ABCC8: variants seen among roughly 807,000 people sequenced by gnomAD.
ABCC8 encodes the protein ATP-binding cassette sub-family C member 8.
Under a neutral mutation model 188.0 loss-of-function variants are expected in ABCC8, and 137 were observed. The observed-to-expected ratio is 0.73, with a 90% CI of 0.63 to 0.84. ABCC8 has a LOEUF of 0.84. ABCC8 is among the 40% of genes least tolerant of loss of function. The pLI is 0.00. For missense variants in ABCC8, 1,750 were observed against 2,072.7 expected, an observed-to-expected ratio of 0.84 and a Z score of 3.02; for synonymous variants, 797 against 846.5, an observed-to-expected ratio of 0.94 and a Z score of 1.01.
At chr11:17,448,375 C>G (rs1956622554) in intron 8 of ABCC8, 141 bp downstream of exon 8, 1 of 761,264 alleles carries the variant, frequency 1.3e-6, no homozygotes, top group African/African-American at 1.7e-5. Context: ...AGAGGTACAG[C>G]CTGTGGTATA....
chr11:17,470,803 C>T (rs927801354), intron 2 of ABCC8, among the ~76,000 whole-genome samples: 7 of 152,208 alleles, frequency 4.6e-5, no homozygotes, highest in Admixed American at 2.0e-4. Context: ...TCAATACCAG[C>T]TCATAGTCTC....
intron 7 of ABCC8, among the ~76,000 whole-genome samples, chr11:17,450,270 C>CT (rs1405231007): frequency 8.6e-6 from 1 of 116,746 alleles, no homozygotes; most frequent in Non-Finnish European, 1.7e-5. Flanking sequence ...CTCTTTCTTT[C>CT]TTTCTTTCTT....
At chr11:17,408,028 C>A (rs551903524) in intron 23 of ABCC8, among the ~76,000 whole-genome samples, 2 of 152,310 alleles carry the variant, frequency 1.3e-5, no homozygotes, top group East Asian at 3.9e-4. Flanking sequence ...CTACCTGGAT[C>A]CAGCACACTT....
At chr11:17,401,527 G>A (rs1306648600) in intron 29 of ABCC8, among the ~76,000 whole-genome samples, 1 of 152,204 alleles carries the variant, frequency 6.6e-6, no homozygotes, top group Admixed American at 6.5e-5. Context: ...GGGAGGAGAT[G>A]TAAGCCTCTC....
At chr11:17,413,689 A>C in intron 19 of ABCC8, 1 of 939,104 alleles carries the variant, frequency 1.1e-6, no homozygotes, top group Non-Finnish European at 1.6e-6. Context: ...TAAATACTAG[A>C]AGGATGGAAT....
intron 16 of ABCC8, among the ~76,000 whole-genome samples, chr11:17,421,952 G>C (rs1398934530): frequency 6.6e-6 from 1 of 152,214 alleles, no homozygotes; most frequent in African/African-American, 2.4e-5. Flanking sequence ...CTTGGCCTGG[G>C]TATGGCTGAA....
chr11:17,401,004 G>C (rs1954212813), intron 29 of ABCC8, among the ~76,000 whole-genome samples: 1 of 152,214 alleles, frequency 6.6e-6, no homozygotes, highest in Non-Finnish European at 1.5e-5. Flanking sequence ...CGTGTCAGTA[G>C]GGTGTGGAAG....
At chr11:17,475,676 T>G (rs1286365231) in intron 1 of ABCC8, among the ~76,000 whole-genome samples, 5 of 152,262 alleles carry the variant, frequency 3.3e-5, no homozygotes, top group Admixed American at 3.3e-4. Context: ...TATTTCTATC[T>G]AACTGTCTTT....
chr11:17,423,077 G>A (rs1476875803), intron 16 of ABCC8, among the ~76,000 whole-genome samples: 1 of 151,956 alleles, frequency 6.6e-6, no homozygotes, highest in Non-Finnish European at 1.5e-5. Flanking sequence ...AAGCGGGGCC[G>A]GCCAGGGGTG....
At chr11:17,436,069 A>ATC in intron 10 of ABCC8, 2 of 943,934 alleles carry the variant, frequency 2.1e-6, no homozygotes, top group East Asian at 4.8e-5. Context: ...GAACTGCTCC[A>ATC]TCTCTTCTTT....
At chr11:17,400,785 A>C (rs994580072) in intron 29 of ABCC8, among the ~76,000 whole-genome samples, 1 of 152,198 alleles carries the variant, frequency 6.6e-6, no homozygotes, top group African/African-American at 2.4e-5. Flanking sequence ...CATCTGGAGA[A>C]TGTGGCGATT....
intron 2 of ABCC8, 21 bp downstream of exon 2, chr11:17,474,865 A>G: frequency 6.2e-7 from 1 of 1,613,260 alleles, no homozygotes; most frequent in Non-Finnish European, 8.5e-7. Context: ...CACTTTCCTG[A>G]GTCCTCAGAC....
chr11:17,405,436 C>A, intron 27 of ABCC8, 58 bp downstream of exon 27: 2 of 1,611,784 alleles, frequency 1.2e-6, no homozygotes, highest in Admixed American at 1.7e-5. Context: ...ACAGGAGAAG[C>A]CCCCAGGGGT....
chr11:17,451,003 A>G (rs966539679), intron 7 of ABCC8, among the ~76,000 whole-genome samples: 3 of 152,104 alleles, frequency 2.0e-5, no homozygotes, highest in Non-Finnish European at 2.9e-5. Context: ...ATTTGTTTCT[A>G]TAATTAATGC....
intron 17 of ABCC8, among the ~76,000 whole-genome samples, chr11:17,415,703 G>A (rs1052223089): frequency 6.6e-6 from 1 of 152,226 alleles, no homozygotes; most frequent in Non-Finnish European, 1.5e-5. Context: ...TGAATAGGCT[G>A]AGGTCTGAGG....
chr11:17,443,498 G>A, intron 8 of ABCC8, 186 bp from the exon 9 acceptor site: 1 of 836,600 alleles, frequency 1.2e-6, no homozygotes, highest in Non-Finnish European at 1.9e-6. Flanking sequence ...AAGGAGGTTA[G>A]CATAATGGGC....
chr11:17,461,427 G>T, intron 5 of ABCC8, 156 bp downstream of exon 5: 2 of 938,108 alleles, frequency 2.1e-6, no homozygotes, highest in Non-Finnish European at 3.3e-6. Flanking sequence ...CCTGTCCCTG[G>T]TTCACTGTGT....
intron 7 of ABCC8, among the ~76,000 whole-genome samples, chr11:17,450,310 CTTTCTTTCTTTCTTTCTCTCTCTCT>C (rs1564959315): frequency 8.0e-6 from 1 of 125,714 alleles, no homozygotes; most frequent in African/African-American, 3.5e-5. Flanking sequence ...TTCTTTCTTT[CTTTCTTTCTTTCTTTCTCTCTCTCT>C]CTTTCCTTTC....
rs1014389339 is a variant in ABCC8, at chr11:17,395,194, C to T, written c.4389G>A (p.Val1463=). The change falls in exon 36 of 39, where the codon GTG becomes GTA. Residue 1463 remains valine (V), a synonymous_variant. Coordinates refer to ENST00000389817, the MANE Select transcript of ABCC8 (RefSeq NM_000352.6). ...ALEIAQLKLV[V]KALPGGLDAI... Reference sequence around the variant, plus strand: ...TACCGAGGCCTCCTGGCAGTGCCTTCACCACCAGCTTCAGCTGGGCGATTT... The same window carrying T: ...TACCGAGGCCTCCTGGCAGTGCCTTTACCACCAGCTTCAGCTGGGCGATTT... 13 of 1,585,784 alleles carry T rather than the reference C, an allele frequency of 8.2e-6. No homozygotes were observed. The highest frequency in any genetic ancestry group is 1.1e-5 in the Non-Finnish European group (13 of 1,164,046).
Sources: gnomAD v4.1 joint callset for allele counts (sites outside exome capture counted in the v4.1 genomes callset) on GRCh38, gnomAD v4.1.1 for gene constraint, MANE v1.5 for transcripts, NCBI Gene and HGNC (gene_info 2026-07-23, HGNC 2026-07-21) for gene names.